The following SEPTIN7 variants were observed in gnomAD, a reference collection of about 807,000 sequenced individuals.
The protein encoded by SEPTIN7 is septin-7.
A neutral mutation model predicts 63.3 loss-of-function variants in SEPTIN7; 10 were observed. The observed-to-expected ratio is 0.16, with a 90% CI of 0.10 to 0.27. SEPTIN7 has a LOEUF of 0.27. Among genes scored for constraint, SEPTIN7 ranks in the 10% least tolerant of loss-of-function variants. SEPTIN7 has a pLI of 1.00. For missense variants in SEPTIN7, 310 were observed against 521.0 expected (o/e 0.59, Z 3.94); for synonymous variants, 131 against 165.3 (o/e 0.79, Z 1.59).
At chr7:35,831,678 T>C (rs1182300865) in intron 2 of SEPTIN7, 182 bp downstream of exon 2, 4 of 244,980 alleles carry the variant, frequency 1.6e-5, no homozygotes, top group African/African-American at 7.1e-5. Context: ...CTCCTAATTA[T>C]TATGTTTATA....
chr7:35,881,941 T>G (rs1256298476), intron 7 of SEPTIN7, among the ~76,000 whole-genome samples: 4 of 152,032 alleles, frequency 2.6e-5, no homozygotes, highest in Non-Finnish European at 5.9e-5. Flanking sequence ...CCTTCCCTAA[T>G]CTTACACCTG....
At chr7:35,882,222 A>T (rs964550105) in intron 7 of SEPTIN7, among the ~76,000 whole-genome samples, 9 of 151,784 alleles carry the variant, frequency 5.9e-5, no homozygotes, top group African/African-American at 2.2e-4. Flanking sequence ...TCCTTTTTGG[A>T]ACTCTTTTGG....
chr7:35,873,066 G>A (rs1031979021), intron 5 of SEPTIN7, among the ~76,000 whole-genome samples: 1 of 152,040 alleles, frequency 6.6e-6, no homozygotes, highest in African/African-American at 2.4e-5. Flanking sequence ...ATTTAAAACT[G>A]TTCACTTTAA....
In SEPTIN7 at chr7:35,890,777, A is replaced by C. The variant is rs1487143530; in HGVS notation, c.982A>C (p.Lys328Gln). The part of the protein sequence containing the change: ...TYNGVDNNKN[K>Q]GQLTKSPLAQ... ...TAATGGAGTTGATAACAACAAGAAT[A>C]AAGGGCAGCTGACTAAGTAAGTATA... The change falls in exon 11 of 14, where the codon AAA (lysine) becomes CAA (glutamine). Residue 328 changes from lysine (K) to glutamine (Q), a missense_variant. Coordinates refer to ENST00000350320, the MANE Select transcript of SEPTIN7 (RefSeq NM_001788.6). The C allele has an allele frequency of 6.3e-7, 1 of 1,583,616 alleles. No homozygotes were observed. Among genetic ancestry groups the C allele is most frequent in the East Asian group, 2.3e-5 (1 of 43,742 alleles).
downstream of SEPTIN7, among the ~76,000 whole-genome samples, chr7:35,907,481 A>G (rs1290930626): frequency 6.6e-6 from 1 of 152,158 alleles, no homozygotes; most frequent in Non-Finnish European, 1.5e-5. Flanking sequence ...TGAATAAGTT[A>G]AACATCTTAA....
chr7:35,903,440 T>C (rs1254953977), intron 13 of SEPTIN7, among the ~76,000 whole-genome samples: 1 of 152,216 alleles, frequency 6.6e-6, no homozygotes, highest in African/African-American at 2.4e-5. Flanking sequence ...ATATTCATAA[T>C]TATGATTTAG....
At chr7:35,853,318 C>T (rs944324328) in intron 3 of SEPTIN7, among the ~76,000 whole-genome samples, 4 of 152,042 alleles carry the variant, frequency 2.6e-5, no homozygotes, top group African/African-American at 4.8e-5. Context: ...CTCAGCTACT[C>T]GGGAGGCTGA....
chr7:35,868,418 T>C (rs1276948835), intron 4 of SEPTIN7, among the ~76,000 whole-genome samples: 1 of 152,200 alleles, frequency 6.6e-6, no homozygotes, highest in Non-Finnish European at 1.5e-5. Context: ...ACAATGATGA[T>C]AGACAAAAAG....
chr7:35,808,151 A>T (rs141009532), intron 1 of SEPTIN7, among the ~76,000 whole-genome samples: 1 of 151,952 alleles, frequency 6.6e-6, no homozygotes, highest in African/African-American at 2.4e-5. Flanking sequence ...TTAATAGGTA[A>T]TATAATCACT....
At chr7:35,846,106 T>C (rs1741809739) in intron 3 of SEPTIN7, among the ~76,000 whole-genome samples, 1 of 152,160 alleles carries the variant, frequency 6.6e-6, no homozygotes, top group South Asian at 2.1e-4. Context: ...GACATCACCA[T>C]TGTTAAATTT....
intron 12 of SEPTIN7, chr7:35,902,833 T>G: frequency 8.4e-6 from 3 of 355,642 alleles, no homozygotes; most frequent in Non-Finnish European, 1.3e-5. Context: ...CACTGTTAAG[T>G]TTGTTGCTTT....
At chr7:35,876,575 C>T (rs1786484907) in intron 6 of SEPTIN7, among the ~76,000 whole-genome samples, 1 of 152,150 alleles carries the variant, frequency 6.6e-6, no homozygotes, top group Admixed American at 6.5e-5. Flanking sequence ...CAATGGCTTA[C>T]GCCTGTAATC....
At chr7:35,835,040 T>C (rs955262225) in intron 3 of SEPTIN7, among the ~76,000 whole-genome samples, 1 of 152,208 alleles carries the variant, frequency 6.6e-6, no homozygotes, top group East Asian at 1.9e-4. Flanking sequence ...CAATGTTTAT[T>C]GAGTACTTGC....
chr7:35,819,036 G>T (rs1485095641), intron 1 of SEPTIN7, among the ~76,000 whole-genome samples: 1 of 151,874 alleles, frequency 6.6e-6, no homozygotes, highest in East Asian at 1.9e-4. Context: ...CTAGTTTCTT[G>T]AGATGGAAGG....
chr7:35,850,685 T>C (rs910679251), intron 3 of SEPTIN7, among the ~76,000 whole-genome samples: 1 of 152,230 alleles, frequency 6.6e-6, no homozygotes, highest in Non-Finnish European at 1.5e-5. Flanking sequence ...TCTGAAATTC[T>C]GTCGCTTTGG....
intron 1 of SEPTIN7, chr7:35,802,189 C>G (rs1788036739): frequency 7.8e-6 from 2 of 257,702 alleles, no homozygotes; most frequent in Non-Finnish European, 8.3e-6. Context: ...CCTTTCATTT[C>G]CTTTCCTCCC....
At chr7:35,881,340 A>T (rs776696193) in intron 7 of SEPTIN7, among the ~76,000 whole-genome samples, 4 of 151,916 alleles carry the variant, frequency 2.6e-5, no homozygotes, top group Non-Finnish European at 4.4e-5. Context: ...GGTAAAAAAG[A>T]TGAATATGAA....
intron 3 of SEPTIN7, among the ~76,000 whole-genome samples, chr7:35,844,742 A>G (rs1318919772): frequency 1.3e-5 from 2 of 152,116 alleles, no homozygotes; most frequent in African/African-American, 2.4e-5. Flanking sequence ...AGCTGGGACT[A>G]CAGGCGTGCA....
chr7:35,902,824 A>G, intron 12 of SEPTIN7: 1 of 371,548 alleles, frequency 2.7e-6, no homozygotes, highest in African/African-American at 2.3e-5. Flanking sequence ...AGTACTCCAC[A>G]CTGTTAAGTT....
Sources: allele counts gnomAD v4.1 joint callset (sites outside exome capture counted in the v4.1 genomes callset), GRCh38; gene constraint gnomAD v4.1.1; transcripts MANE v1.5; gene names NCBI Gene and HGNC (gene_info 2026-07-23, HGNC 2026-07-21).